ASIC2: variants seen among roughly 807,000 people sequenced by gnomAD.
The protein encoded by ASIC2 is acid sensing ion channel subunit 2.
A neutral mutation model predicts 57.3 loss-of-function variants in ASIC2; 25 were observed. The ratio of observed to expected loss-of-function variants is 0.44; its 90% CI spans 0.32 to 0.61. The LOEUF (loss-of-function observed/expected upper bound fraction) is 0.61. Ranked by LOEUF, ASIC2 falls within the 20% of genes least tolerant of loss-of-function variation. ASIC2 has a pLI of 0.06. For synonymous variants in ASIC2, 319 were observed against 307.5 expected (o/e 1.04, Z -0.39); for missense variants, 641 against 738.1 (o/e 0.87, Z 1.52).
chr17:33,353,617 C>A (rs184929460), intron 1 of ASIC2, among the ~76,000 whole-genome samples: 1 of 152,122 alleles, frequency 6.6e-6, no homozygotes, highest in Non-Finnish European at 1.5e-5. Context: ...GAATTACAAG[C>A]GTGAGCCACC....
intron 1 of ASIC2, among the ~76,000 whole-genome samples, chr17:33,928,337 G>C (rs959710778): frequency 6.6e-6 from 1 of 152,176 alleles, no homozygotes; most frequent in South Asian, 2.1e-4. Context: ...TCTGCAGCGT[G>C]GGGGGCAGGG....
intron 1 of ASIC2, among the ~76,000 whole-genome samples, chr17:33,391,812 G>T (rs1265114183): frequency 6.6e-6 from 1 of 152,174 alleles, no homozygotes; most frequent in Admixed American, 6.5e-5. Context: ...TATGTTAAGT[G>T]CTTTAATTAT....
At chr17:33,919,873 G>A (rs1445015224) in intron 1 of ASIC2, among the ~76,000 whole-genome samples, 1 of 152,010 alleles carries the variant, frequency 6.6e-6, no homozygotes, top group East Asian at 1.9e-4. Flanking sequence ...AAATGCACAG[G>A]CACTTCTCAA....
intron 1 of ASIC2, among the ~76,000 whole-genome samples, chr17:33,801,606 A>G (rs1912135084): frequency 6.6e-6 from 1 of 152,154 alleles, no homozygotes; most frequent in African/African-American, 2.4e-5. Flanking sequence ...ATACATCAAA[A>G]TGCTGATGTA....
At chr17:33,356,597 G>A (rs935493574) in intron 1 of ASIC2, among the ~76,000 whole-genome samples, 1 of 152,068 alleles carries the variant, frequency 6.6e-6, no homozygotes, top group South Asian at 2.1e-4. Flanking sequence ...AACTAGAAAG[G>A]CCACCACTAC....
At chr17:33,187,196 A>G (rs997374987) in intron 1 of ASIC2, among the ~76,000 whole-genome samples, 7 of 152,210 alleles carry the variant, frequency 4.6e-5, no homozygotes, top group Non-Finnish European at 8.8e-5. Flanking sequence ...GTCAACAGAA[A>G]GGGCTCAGTT....
intron 1 of ASIC2, among the ~76,000 whole-genome samples, chr17:33,459,872 A>C (rs529295009): frequency 6.6e-6 from 1 of 152,296 alleles, no homozygotes; most frequent in East Asian, 1.9e-4. Flanking sequence ...TCTCTAGTGA[A>C]TGGAGCGCCT....
chr17:34,128,846 G>A (rs1236048425), intron 1 of ASIC2, among the ~76,000 whole-genome samples: 2 of 152,170 alleles, frequency 1.3e-5, no homozygotes, highest in Non-Finnish European at 2.9e-5. Flanking sequence ...GCACATCAGA[G>A]CCTCCTGGGG....
At chr17:34,149,694 C>A (rs919408897) in intron 1 of ASIC2, among the ~76,000 whole-genome samples, 3 of 152,118 alleles carry the variant, frequency 2.0e-5, no homozygotes, top group African/African-American at 7.2e-5. Context: ...GCGATATTAC[C>A]TCACACTTGT....
intron 1 of ASIC2, among the ~76,000 whole-genome samples, chr17:34,049,285 C>T (rs1908456443): frequency 6.6e-6 from 1 of 152,026 alleles, no homozygotes; most frequent in African/African-American, 2.4e-5. Context: ...CAGAGCAAGA[C>T]CCTGTCTCAA....
chr17:33,949,503 G>A (rs1904491736), intron 1 of ASIC2, among the ~76,000 whole-genome samples: 1 of 152,112 alleles, frequency 6.6e-6, no homozygotes, highest in Middle Eastern at 3.2e-3. Context: ...AAAAATTAAA[G>A]GTACCGCATA....
At chr17:33,390,920 A>G (rs995452814) in intron 1 of ASIC2, among the ~76,000 whole-genome samples, 14 of 152,252 alleles carry the variant, frequency 9.2e-5, no homozygotes, top group African/African-American at 3.4e-4. Context: ...CAGGGATTAC[A>G]TAAGTGCTTG....
chr17:33,602,920 C>G (rs532733560), intron 1 of ASIC2, among the ~76,000 whole-genome samples: 3 of 152,298 alleles, frequency 2.0e-5, no homozygotes, highest in Admixed American at 6.5e-5. Context: ...CCTCCAGAGC[C>G]CACTCTAGAA....
intron 1 of ASIC2, among the ~76,000 whole-genome samples, chr17:33,434,544 A>C (rs116288490): frequency 0.043 from 6,542 of 152,322 alleles, 331 homozygotes; most frequent in African/African-American, 0.13. Flanking sequence ...AGCAGGAAAC[A>C]AAGTAATATT....
chr17:33,675,390 C>T (rs1227345500), intron 1 of ASIC2, among the ~76,000 whole-genome samples: 1 of 152,162 alleles, frequency 6.6e-6, no homozygotes, highest in East Asian at 1.9e-4. Context: ...GCCTTGGGCT[C>T]TGCACGGGCC....
intron 1 of ASIC2, among the ~76,000 whole-genome samples, chr17:33,352,618 A>T (rs1027203236): frequency 6.6e-6 from 1 of 152,064 alleles, no homozygotes; most frequent in African/African-American, 2.4e-5. Context: ...GATTGTCCAA[A>T]CCACCCTCCC....
chr17:33,523,538 G>A (rs369103821), intron 1 of ASIC2, among the ~76,000 whole-genome samples: 63 of 152,226 alleles, frequency 4.1e-4, no homozygotes, highest in African/African-American at 1.4e-3. Flanking sequence ...GATTGCAGGC[G>A]TGAACCACTG....
At chr17:33,808,787 G>C (rs554697048) in intron 1 of ASIC2, among the ~76,000 whole-genome samples, 17 of 152,288 alleles carry the variant, frequency 1.1e-4, no homozygotes, top group Non-Finnish European at 1.9e-4. Flanking sequence ...TACAGATGGA[G>C]GTTTACACAA....
At chr17:34,106,221 C>T (rs890352064) in intron 1 of ASIC2, among the ~76,000 whole-genome samples, 8 of 152,126 alleles carry the variant, frequency 5.3e-5, no homozygotes, top group African/African-American at 1.9e-4. Flanking sequence ...ACACAATGTC[C>T]ATCTTCCCTC....
Sources: gnomAD v4.1 joint callset for allele counts (sites outside exome capture counted in the v4.1 genomes callset) on GRCh38, gnomAD v4.1.1 for gene constraint, MANE v1.5 for transcripts, NCBI Gene and HGNC (gene_info 2026-07-23, HGNC 2026-07-21) for gene names.